Variants in SORBS3 observed in about 807,000 individuals in gnomAD.
The protein encoded by SORBS3 is vinexin.
In SORBS3, 69 loss-of-function variants were observed where a neutral mutation model predicts 98.0. That is an observed-to-expected ratio of 0.70 (90% CI 0.58 to 0.86). SORBS3 has a LOEUF of 0.86. Among genes scored for constraint, SORBS3 ranks in the 40% least tolerant of loss-of-function variants. The pLI, the probability that SORBS3 is intolerant of heterozygous loss-of-function variation, is 0.00. For synonymous variants in SORBS3, 394 were observed against 355.4 expected, an observed-to-expected ratio of 1.11 and a Z score of -1.22; for missense variants, 954 against 908.5, an observed-to-expected ratio of 1.05 and a Z score of -0.64.
intron 5 of SORBS3, chr8:22,560,870 TGTGCGC>T (rs1364370662): frequency 4.8e-5 from 4 of 83,698 alleles, no homozygotes; most frequent in South Asian, 3.6e-4. Flanking sequence ...TGTGTGTGTG[TGTGCGC>T]GCGCGCACGC....
intron 18 of SORBS3, 73 bp from the exon 19 acceptor site, chr8:22,571,645 C>A: frequency 8.4e-7 from 1 of 1,185,432 alleles, no homozygotes; most frequent in Non-Finnish European, 1.3e-6. Context: ...CCATTTTGGG[C>A]CTCCTCCCTC....
intron 1 of SORBS3, 69 bp downstream of exon 1, chr8:22,552,091 G>T (rs1024508100): frequency 3.1e-6 from 3 of 982,798 alleles, no homozygotes; most frequent in Admixed American, 6.1e-5. Flanking sequence ...CAACCCCAGG[G>T]AATCGCACCT....
chr8:22,561,453 C>T (rs1840293135), intron 6 of SORBS3, 80 bp downstream of exon 6: 14 of 1,540,854 alleles, frequency 9.1e-6, no homozygotes, highest in Non-Finnish European at 1.2e-5. Context: ...CTCGCAGCCC[C>T]GCCTGGCTTT....
chr8:22,566,030 C>G, intron 12 of SORBS3, 158 bp downstream of exon 12: 1 of 591,372 alleles, frequency 1.7e-6, no homozygotes, highest in Non-Finnish European at 2.5e-6. Flanking sequence ...GCGCCACTCT[C>G]TGCGGGGCGC....
In SORBS3 at chr8:22,574,675, C is replaced by G; in HGVS notation, c.1963C>G (p.Arg655Gly). The change falls in exon 21 of 21, where the codon CGG becomes GGG. Residue 655 changes from arginine (R) to glycine (G), a missense_variant. Coordinates refer to ENST00000240123, the MANE Select transcript of SORBS3 (RefSeq NM_005775.5). Reference sequence around the variant, plus strand: ...TGCCTTTCCTCTTTCAGGTGTCTCCCGGAGGACCCAGAAATTCGGAACGTT... The same window carrying G: ...TGCCTTTCCTCTTTCAGGTGTCTCCGGGAGGACCCAGAAATTCGGAACGTT... ...CDDGWFVGVS[R>G]RTQKFGTFPG... 4.3e-6 allele frequency: 7 copies of G among 1,612,562 alleles called. No homozygotes were observed. The highest frequency in any genetic ancestry group is 5.9e-6 in the Non-Finnish European group (7 of 1,179,194).
At chr8:22,565,941 G>C in intron 12 of SORBS3, 69 bp downstream of exon 12, 2 of 1,088,614 alleles carry the variant, frequency 1.8e-6, no homozygotes, top group Non-Finnish European at 2.3e-6. Flanking sequence ...TGGCGCGGCC[G>C]GGCGGGGCGG....
rs1840713250 is a variant in SORBS3 at position 22,575,580 on chromosome 8, T to C, written c.*852T>C. 1 of 152,754 alleles carries C rather than the reference T, an allele frequency of 6.5e-6. No individual in the cohort carries two copies. Among genetic ancestry groups the C allele is most frequent in the Admixed American group, 6.5e-5 (1 of 15,280 alleles). The allele number at this position is 152,754 out of a possible 1,614,324, so 9.5% of individuals were successfully genotyped here. On this transcript the variant is annotated 3_prime_UTR_variant, in exon 21 of 21. Transcript: ENST00000240123. Reference sequence around the variant, plus strand: ...GAATTCCTTCTGTGGAGGGCTGTGCTGGGAGACAGGTGGGACAGGTGTGTG... The same window carrying C: ...GAATTCCTTCTGTGGAGGGCTGTGCCGGGAGACAGGTGGGACAGGTGTGTG...
At position 22,574,937 on chromosome 8, in the gene SORBS3, C is replaced by T; in HGVS notation, c.*209C>T. 1.5e-6 allele frequency: 1 copy of T among 688,262 alleles called. No homozygotes were observed. The allele number at this position is 688,262 out of a possible 1,614,324, so 42.6% of individuals were successfully genotyped here. A position where few individuals can be genotyped will look rare whatever the true frequency, so the allele number is the denominator to read the frequency against. On this transcript the variant is annotated 3_prime_UTR_variant, in exon 21 of 21. Coordinates refer to ENST00000240123, the MANE Select transcript of SORBS3 (RefSeq NM_005775.5). Reference sequence around the variant, plus strand: ...GACTCACAGGCATTCCTCCCACAGCCCTTTCATTTCCTCCCCACCCCACTC... The same window carrying T: ...GACTCACAGGCATTCCTCCCACAGCTCTTTCATTTCCTCCCCACCCCACTC...
At chr8:22,547,594 G>C (rs770133472), upstream of SORBS3, among the ~76,000 whole-genome samples, 2 of 152,202 alleles carry the variant, frequency 1.3e-5, no homozygotes, top group Non-Finnish European at 2.9e-5. Flanking sequence ...GAAGGCTGAT[G>C]CAGACCTAAT....
In SORBS3 at chr8:22,554,735, G is replaced by C; in HGVS notation, c.102+127G>C. 2 of 1,367,038 alleles carry C rather than the reference G, an allele frequency of 1.5e-6. No individual in the cohort carries two copies. The highest frequency in any genetic ancestry group is 2.0e-6 in the Non-Finnish European group (2 of 1,006,714). 84.7% of individuals were successfully genotyped at this position (1,367,038 alleles called of 1,614,324 possible). A position where few individuals can be genotyped will look rare whatever the true frequency, so the allele number is the denominator to read the frequency against. ...GCTGAAGAGAGCTCTGGGGGGCCTC[G>C]CTGGTTTCCCACAAAATCGTCAGGC... On this transcript the variant is annotated intron_variant, in intron 2 of 20. Transcript: ENST00000240123. This position sits in a 1 kb window ranked among gnomAD's most constrained non-coding sequence, Gnocchi z 6.5.
intron 3 of SORBS3, 63 bp downstream of exon 3, chr8:22,555,043 C>G: frequency 7.2e-7 from 1 of 1,393,736 alleles, no homozygotes; most frequent in Non-Finnish European, 1.0e-6. Flanking sequence ...TCTGGCACTG[C>G]CCTGTGTCAA....
At chr8:22,565,756 G>A in intron 11 of SORBS3, 70 bp from the exon 12 acceptor site, 1 of 1,283,736 alleles carries the variant, frequency 7.8e-7, no homozygotes, top group Non-Finnish European at 9.9e-7. Flanking sequence ...GAACTTTTCC[G>A]GAGGCGGCGG....
chr8:22,549,418 A>C (rs1840050490), upstream of SORBS3, among the ~76,000 whole-genome samples: 1 of 152,180 alleles, frequency 6.6e-6, no homozygotes. Context: ...GGCGTCGGGA[A>C]ATCAGACACC....
At position 22,564,461 on chromosome 8, in the gene SORBS3, C is replaced by T. The variant is rs768978640; in HGVS notation, c.763-7C>T. ...ACCTGCTCTGACACACCCTTTCTAC[C>T]CTTCAGCCCAAGAAACCGCTGGTGG... On this transcript the variant is annotated splice_region_variant and splice_polypyrimidine_tract_variant and intron_variant, in intron 9 of 20. Transcript: ENST00000240123. The T allele has an allele frequency of 1.9e-6, 3 of 1,614,136 alleles. No homozygotes were observed. Among genetic ancestry groups the T allele is most frequent in the Admixed American group, 1.7e-5 (1 of 60,026 alleles).
chr8:22,548,345 T>TG (rs1178572011), upstream of SORBS3, among the ~76,000 whole-genome samples: 2 of 152,100 alleles, frequency 1.3e-5, no homozygotes, highest in Non-Finnish European at 2.9e-5. Context: ...GAGAAAGGGA[T>TG]GGAGCCCAGG....
intron 3 of SORBS3, 84 bp downstream of exon 3, chr8:22,555,064 C>A: frequency 8.5e-7 from 1 of 1,183,076 alleles, no homozygotes; most frequent in Non-Finnish European, 1.2e-6. Context: ...GCGGGAGGGG[C>A]AGCAGCTGGA....
At position 22,567,047 on chromosome 8, in the gene SORBS3, G is replaced by T. The variant is rs760928330; in HGVS notation, c.1191-14G>T. 10 of 1,605,956 alleles carry T rather than the reference G, an allele frequency of 6.2e-6. No homozygotes were observed. Among genetic ancestry groups the T allele is most frequent in the Admixed American group, 1.7e-5 (1 of 59,906 alleles). On this transcript the variant is annotated splice_polypyrimidine_tract_variant and intron_variant, in intron 15 of 20. Transcript: ENST00000240123. ...GGCTTCAGCTTACCCTGCGGTCCTC[G>T]TCCCCACCTGCAGGGAGCTGACTCT...
At chr8:22,552,299 A>G (rs1273150074) in intron 1 of SORBS3, among the ~76,000 whole-genome samples, 1 of 151,934 alleles carries the variant, frequency 6.6e-6, no homozygotes, top group East Asian at 1.9e-4. Flanking sequence ...CCACCCCAGC[A>G]GAGCCGCCTC....
chr8:22,566,762 C>T (rs1275852484), intron 14 of SORBS3, 49 bp downstream of exon 14: 33 of 1,613,232 alleles, frequency 2.0e-5, no homozygotes, highest in Non-Finnish European at 2.7e-5. Context: ...CCAAGGCTGC[C>T]ATCCTGGATC....
Sources: gnomAD v4.1 joint callset for allele counts (sites outside exome capture counted in the v4.1 genomes callset) on GRCh38, gnomAD v4.1.1 for gene constraint, Gnocchi (gnomAD v3.1) non-coding constraint, MANE v1.5 for transcripts, NCBI Gene and HGNC (gene_info 2026-07-23, HGNC 2026-07-21) for gene names.